Variants in APP observed in about 807,000 individuals in gnomAD.
The protein encoded by APP is amyloid beta precursor protein.
Under a neutral mutation model 101.4 loss-of-function variants are expected in APP, and 31 were observed. The ratio of observed to expected loss-of-function variants is 0.31; its 90% confidence interval spans 0.23 to 0.41. The LOEUF (loss-of-function observed/expected upper bound fraction) is 0.41, where lower values mean the gene tolerates loss of function less well. Among genes scored for constraint, APP ranks in the 10% least tolerant of loss-of-function variants. The probability of loss-of-function intolerance (pLI) is 1.00; values close to 1 mark genes in which losing one functional copy is unlikely to be tolerated. For synonymous variants in APP, 366 were observed against 364.4 expected, an observed-to-expected ratio of 1.00 and a Z score of -0.05; for missense variants, 839 against 1,003.7, an observed-to-expected ratio of 0.84 and a Z score of 2.22.
At chr21:25,954,760 TTCTTTTTTTTTTGAGACGGAGTCTCGC>T in intron 12 of APP, 71 bp from the exon 13 acceptor site, 1 of 1,383,846 alleles carries the variant, frequency 7.2e-7, no homozygotes, top group South Asian at 1.2e-5. Context: ...CTTTCTTTTT[TTCTTTTTTTTTTGAGACGGAGTCTCGC>T]TCTGTCGCCC....
At chr21:26,077,476 T>C (rs201933661) in intron 3 of APP, among the ~76,000 whole-genome samples, 1 of 152,216 alleles carries the variant, frequency 6.6e-6, no homozygotes, top group East Asian at 1.9e-4. Flanking sequence ...TTTCTTTGTC[T>C]ACAGTTAATA....
At chr21:26,112,270 G>T in intron 1 of APP, 124 bp from the exon 2 acceptor site, 1 of 968,160 alleles carries the variant, frequency 1.0e-6, no homozygotes. Flanking sequence ...GAATCAGCCC[G>T]GTCTTCAACA....
chr21:25,908,373 A>G (rs1443119813), intron 14 of APP, among the ~76,000 whole-genome samples: 1 of 152,242 alleles, frequency 6.6e-6, no homozygotes, highest in Non-Finnish European at 1.5e-5. Flanking sequence ...TGTTCTTAAG[A>G]AAAACAACAA....
intron 8 of APP, among the ~76,000 whole-genome samples, chr21:25,994,994 C>T (rs2042998830): frequency 6.6e-6 from 1 of 152,182 alleles, no homozygotes. Context: ...GCCCAAAGCA[C>T]TTCATCCTCC....
At chr21:26,063,263 T>C (rs2046341268) in intron 3 of APP, among the ~76,000 whole-genome samples, 1 of 152,228 alleles carries the variant, frequency 6.6e-6, no homozygotes, top group Admixed American at 6.5e-5. Context: ...TTAATATAAA[T>C]ACAACTAGTT....
At chr21:26,055,460 G>C (rs943180434) in intron 3 of APP, among the ~76,000 whole-genome samples, 1 of 152,156 alleles carries the variant, frequency 6.6e-6, no homozygotes, top group African/African-American at 2.4e-5. Flanking sequence ...AGAAGACCTG[G>C]AGAATGGAAA....
At chr21:26,064,176 G>A (rs759615742) in intron 3 of APP, among the ~76,000 whole-genome samples, 3 of 152,130 alleles carry the variant, frequency 2.0e-5, no homozygotes, top group Non-Finnish European at 2.9e-5. Context: ...AATATAATGC[G>A]CCTTCCTGGA....
Position 25,927,820 on chromosome 21 carries a change from T to C in APP, c.1688-15858A>G, listed in dbSNP as rs115172103. The stretch of plus-strand genomic sequence containing the variant: ...GAAGTCCCTTTTCCTTTAAAACACA[T>C]TTCCTTTTGGCTTTCAAACATCATA... On this transcript the variant is annotated intron_variant, in intron 13 of 17. Coordinates refer to ENST00000346798, the MANE Select transcript of APP (RefSeq NM_000484.4). Among the ~76,000 whole-genome samples, 1,390 of 152,270 alleles carry C rather than the reference T, an allele frequency of 9.1e-3. 28 individuals are homozygous for C. Among genetic ancestry groups the C allele is most frequent in the African/African-American group, 0.032 (1,329 of 41,554 alleles).
chr21:26,152,284 C>CAAAAAAAA lies in APP; in HGVS notation c.57+18272_57+18279dup, dbSNP rs1161739630. ...TGGGCGACAGAGCAAGACTCCATCT[C>CAAAAAAAA]AAAAAAAAAAAAAAAAAAAAAAATG... On this transcript the variant is annotated intron_variant, in intron 1 of 17. Transcript: ENST00000346798. 4.5e-3 allele frequency among the ~76,000 whole-genome samples: 164 copies of CAAAAAAAA among 36,128 alleles called. 19 individuals carry two copies. The highest frequency in any genetic ancestry group is 0.016 in the African/African-American group (109 of 6,798). The allele number at this position is 36,128 out of a possible 152,430, so 23.7% of individuals were successfully genotyped here.
chr21:25,946,090 G>T (rs1035648728), intron 13 of APP: 21 of 306,648 alleles, frequency 6.8e-5, no homozygotes, highest in Admixed American at 1.4e-4. Context: ...ATGAATCAAA[G>T]ATTTAACTGT....
intron 6 of APP, among the ~76,000 whole-genome samples, chr21:26,011,518 G>C (rs1322689863): frequency 6.6e-6 from 1 of 152,120 alleles, no homozygotes; most frequent in Non-Finnish European, 1.5e-5. Context: ...CTGGCATCGA[G>C]TAGAGGCTAG....
chr21:26,162,175 A>G, intron 1 of APP, among the ~76,000 whole-genome samples: 1 of 152,198 alleles, frequency 6.6e-6, no homozygotes, highest in Non-Finnish European at 1.5e-5. Context: ...AAAACATTTA[A>G]GAAATTAGTC....
chr21:26,167,640 T>C (rs1428706563), intron 1 of APP, among the ~76,000 whole-genome samples: 1 of 152,118 alleles, frequency 6.6e-6, no homozygotes, highest in Non-Finnish European at 1.5e-5. Flanking sequence ...AAAGACAACC[T>C]CTCCCATTCC....
intron 3 of APP, among the ~76,000 whole-genome samples, chr21:26,053,678 G>A (rs1052986072): frequency 1.9e-4 from 29 of 152,302 alleles, no homozygotes; most frequent in African/African-American, 6.7e-4. Flanking sequence ...CAACAGGGGA[G>A]TAAAATATAA....
chr21:25,954,247 T>C lies in APP; in HGVS notation c.1687+343A>G, dbSNP rs1037837041. On this transcript the variant is annotated intron_variant, in intron 13 of 17. Transcript: ENST00000346798. The stretch of plus-strand genomic sequence containing the variant: ...TCAAAAGATGAAGAATGAGTTTTTT[T>C]CCCCATTAATTGTAAAGTACCAAAG... 3.9e-5 allele frequency among the ~76,000 whole-genome samples: 6 copies of C among 152,202 alleles called. No homozygotes were observed. The East Asian group carries it at 7.7e-4, about 20-fold the overall frequency.
Position 26,000,157 on chromosome 21 carries a change from C to T in APP, c.891G>A (p.Thr297=), listed in dbSNP as rs773857944. 1.7e-5 allele frequency: 28 copies of T among 1,614,220 alleles called. No homozygotes were observed. Among genetic ancestry groups the T allele is most frequent in the East Asian group, 1.3e-4 (6 of 44,880 alleles). Reference sequence around the variant, plus strand: ...GGGAGATCATTGCTCGGCACGGCCCCGTCTCGGCTTGTTCAGAGCACACCT... The same window carrying T: ...GGGAGATCATTGCTCGGCACGGCCCTGTCTCGGCTTGTTCAGAGCACACCT... ...VREVCSEQAE[T]GPCRAMISRW... is the part of the protein sequence containing the mutation. The change falls in exon 7 of 18, where the codon ACG becomes ACA. Residue 297 remains threonine (T), a synonymous_variant. Coordinates refer to ENST00000346798, the MANE Select transcript of APP (RefSeq NM_000484.4).
rs147964997 is a variant in APP, at chr21:25,916,736, G to A, written c.1688-4774C>T. On this transcript the variant is annotated intron_variant, in intron 13 of 17. Transcript: ENST00000346798. ...AAGAGACTGCTTATTTTCCTCCCAAGACTTATTTTTTCCCCTTCTAAAAGC... is the reference window on the plus strand; with the variant it reads ...AAGAGACTGCTTATTTTCCTCCCAAAACTTATTTTTTCCCCTTCTAAAAGC... Among the ~76,000 whole-genome samples the A allele has an allele frequency of 6.3e-3, 958 of 152,170 alleles. 9 individuals are homozygous for A. Among genetic ancestry groups the A allele is most frequent in the African/African-American group, 0.022 (916 of 41,516 alleles).
intron 13 of APP, among the ~76,000 whole-genome samples, chr21:25,925,604 C>G (rs1024829940): frequency 1.3e-5 from 2 of 152,176 alleles, no homozygotes; most frequent in African/African-American, 4.8e-5. Context: ...CAAGACACCA[C>G]CACACAACAG....
chr21:26,013,681 A>C (rs2043921924), intron 6 of APP, among the ~76,000 whole-genome samples: 1 of 151,958 alleles, frequency 6.6e-6, no homozygotes, highest in Non-Finnish European at 1.5e-5. Flanking sequence ...GGTTCTCACT[A>C]TGTTGCCCAG....
Sources: gnomAD v4.1 joint callset for allele counts (sites outside exome capture counted in the v4.1 genomes callset) on GRCh38, gnomAD v4.1.1 for gene constraint, MANE v1.5 for transcripts, NCBI Gene and HGNC (gene_info 2026-07-23, HGNC 2026-07-21) for gene names.